CYTH3: variants seen among roughly 807,000 people sequenced by gnomAD.
CYTH3 encodes the protein cytohesin-3.
Under a neutral mutation model 55.1 loss-of-function variants are expected in CYTH3, and 23 were observed. The ratio of observed to expected loss-of-function variants is 0.42; its 90% CI spans 0.30 to 0.59. The LOEUF (loss-of-function observed/expected upper bound fraction) is 0.59. CYTH3 is among the 20% of genes least tolerant of loss of function. The pLI is 0.20. For missense variants in CYTH3, 413 were observed against 524.8 expected (o/e 0.79, Z 2.08); for synonymous variants, 249 against 194.9 (o/e 1.28, Z -2.31).
At chr7:6,188,590 C>A (rs1023089075) in intron 2 of CYTH3, 1 of 152,160 alleles carries the variant, frequency 6.6e-6, no homozygotes, top group African/African-American at 2.4e-5. Context: ...AGATGAAGCA[C>A]CATGGACAGA....
intron 4 of CYTH3, among the ~76,000 whole-genome samples, chr7:6,184,049 CTTTTTTTTTT>C (rs60634853): frequency 1.1e-4 from 5 of 46,372 alleles, no homozygotes; most frequent in East Asian, 8.4e-4. Context: ...CCCTCTGTGG[CTTTTTTTTTT>C]TTTTTTTTTT....
intron 1 of CYTH3, among the ~76,000 whole-genome samples, chr7:6,229,638 C>T (rs937986384): frequency 3.5e-5 from 5 of 144,682 alleles, no homozygotes; most frequent in Admixed American, 2.8e-4. Flanking sequence ...AGTGAAACCC[C>T]GTCTCTACTG....
At position 6,193,403 on chromosome 7, in the gene CYTH3, C is replaced by A. The variant is rs1168058112; in HGVS notation, c.35-2872G>T. On this transcript the variant is annotated intron_variant, in intron 1 of 12. Transcript: ENST00000350796. ...AAAAAAAAAAAAAAAAAGGAGACAT[C>A]CACTAAAACTGTAGTAATCATAATT... Among the ~76,000 whole-genome samples, 3 of 150,762 alleles carry A rather than the reference C, an allele frequency of 2.0e-5. No homozygotes were observed. The South Asian group carries it at 6.3e-4, about 32-fold the overall frequency.
Position 6,195,477 on chromosome 7 carries a change from C to T in CYTH3, c.35-4946G>A, listed in dbSNP as rs550168704. Among the ~76,000 whole-genome samples, 7 of 151,884 alleles carry T rather than the reference C, an allele frequency of 4.6e-5. No homozygotes were observed. In the East Asian group the frequency reaches 5.8e-4, roughly 13 times the overall value. On this transcript the variant is annotated intron_variant, in intron 1 of 12. Transcript: ENST00000350796. ...CTTTTTCTTTTTTATTTTTTTGAGA[C>T]GGCGTCTCACTCTCTCACCCAGGCT...
At chr7:6,213,377 G>C (rs1784362490) in intron 1 of CYTH3, among the ~76,000 whole-genome samples, 1 of 152,170 alleles carries the variant, frequency 6.6e-6, no homozygotes, top group Non-Finnish European at 1.5e-5. Context: ...GGGGAAAGGA[G>C]GAACCTCCAA....
At chr7:6,213,817 G>C (rs1240303067) in intron 1 of CYTH3, among the ~76,000 whole-genome samples, 5 of 152,040 alleles carry the variant, frequency 3.3e-5, no homozygotes, top group Non-Finnish European at 7.4e-5. Context: ...CCCATCACAG[G>C]GGCCCAGCCC....
intron 1 of CYTH3, among the ~76,000 whole-genome samples, chr7:6,217,359 T>C (rs1374740279): frequency 6.6e-6 from 1 of 152,172 alleles, no homozygotes; most frequent in Admixed American, 6.5e-5. Flanking sequence ...TATTCGAATA[T>C]ATTGGCTGAA....
intron 1 of CYTH3, among the ~76,000 whole-genome samples, chr7:6,248,740 T>G (rs1380419799): frequency 1.3e-5 from 2 of 152,210 alleles, no homozygotes; most frequent in Non-Finnish European, 2.9e-5. Flanking sequence ...TCTCCATATG[T>G]TCCTCACAAC....
intron 2 of CYTH3, among the ~76,000 whole-genome samples, chr7:6,188,260 G>C (rs1015235185): frequency 1.3e-5 from 2 of 151,802 alleles, no homozygotes; most frequent in Non-Finnish European, 2.9e-5. Flanking sequence ...ATGAACCCAC[G>C]AGTTTGAGGC....
At chr7:6,272,246 A>T (rs894153930) in intron 1 of CYTH3, among the ~76,000 whole-genome samples, 1 of 149,878 alleles carries the variant, frequency 6.7e-6, no homozygotes, top group African/African-American at 2.5e-5. Flanking sequence ...TGGTACCCAG[A>T]CCCTCGCCAG....
intron 1 of CYTH3, 38 bp from the exon 2 acceptor site, chr7:6,190,569 C>A: frequency 6.8e-7 from 1 of 1,468,042 alleles, no homozygotes; most frequent in Non-Finnish European, 9.0e-7. Context: ...CTTTGGAGAA[C>A]ACATTGGCAA....
rs544565312 is a variant in CYTH3, at chr7:6,169,241, G to A, written c.823+1294C>T. Among the ~76,000 whole-genome samples, 2 of 152,110 alleles carry A rather than the reference G, an allele frequency of 1.3e-5. No individual in the cohort carries two copies. The highest frequency in any genetic ancestry group is 2.4e-5 in the African/African-American group (1 of 41,420). On this transcript the variant is annotated intron_variant, in intron 9 of 12. Coordinates refer to ENST00000350796, the MANE Select transcript of CYTH3 (RefSeq NM_004227.4). The surrounding 1 kb of genome is among the most constrained non-coding windows in gnomAD (Gnocchi z 4.1). ...CCTTCCTTGATGTTTATTTTTTTGA[G>A]ACGAGGTCTCACTCTGTCGCCGAGG...
chr7:6,268,903 C>T (rs556860174), intron 1 of CYTH3, among the ~76,000 whole-genome samples: 8 of 152,236 alleles, frequency 5.3e-5, no homozygotes, highest in African/African-American at 1.9e-4. Flanking sequence ...CAAAGATTAT[C>T]AAGAGCAAGC....
At chr7:6,230,573 G>T (rs79212381) in intron 1 of CYTH3, among the ~76,000 whole-genome samples, 1 of 152,072 alleles carries the variant, frequency 6.6e-6, no homozygotes, top group African/African-American at 2.4e-5. Flanking sequence ...GGGTTTACAC[G>T]GTGAAAAAAA....
chr7:6,233,443 T>C (rs1779436738), intron 1 of CYTH3, among the ~76,000 whole-genome samples: 1 of 151,976 alleles, frequency 6.6e-6, no homozygotes, highest in Non-Finnish European at 1.5e-5. Flanking sequence ...GATCACGAGG[T>C]GAGGAGATCG....
intron 5 of CYTH3, among the ~76,000 whole-genome samples, chr7:6,176,951 T>C (rs1783367485): frequency 6.6e-6 from 1 of 152,268 alleles, no homozygotes; most frequent in South Asian, 2.1e-4. Flanking sequence ...TCAAATGCTT[T>C]TCCTGTATTT....
intron 1 of CYTH3, among the ~76,000 whole-genome samples, chr7:6,224,280 C>T (rs1412951961): frequency 7.0e-6 from 1 of 142,454 alleles, no homozygotes; most frequent in Non-Finnish European, 1.5e-5. Flanking sequence ...CCCTGAAGCG[C>T]TATTAACAAA....
At chr7:6,240,292 C>CAAAAAAA (rs60884841) in intron 1 of CYTH3, among the ~76,000 whole-genome samples, 7 of 60,528 alleles carry the variant, frequency 1.2e-4, no homozygotes, top group Admixed American at 2.0e-4. Context: ...GACTCCATCT[C>CAAAAAAA]AAAAAAAAAA....
chr7:6,198,747 C>T (rs1227325014), intron 1 of CYTH3, among the ~76,000 whole-genome samples: 2 of 149,730 alleles, frequency 1.3e-5, no homozygotes, highest in Non-Finnish European at 2.9e-5. Context: ...ACAATGAAAA[C>T]TTCCCCTCCA....
Sources: gnomAD v4.1 joint callset for allele counts (sites outside exome capture counted in the v4.1 genomes callset) on GRCh38, gnomAD v4.1.1 for gene constraint, Gnocchi (gnomAD v3.1) non-coding constraint, MANE v1.5 for transcripts, NCBI Gene and HGNC (gene_info 2026-07-23, HGNC 2026-07-21) for gene names.